The following MYO10 variants were observed in gnomAD, a reference collection of about 807,000 sequenced individuals.
The protein encoded by MYO10 is myosin X.
A neutral mutation model predicts 257.3 loss-of-function variants in MYO10; 133 were observed. The ratio of observed to expected loss-of-function variants is 0.52; its 90% confidence interval spans 0.45 to 0.60. The LOEUF is 0.60. Among genes scored for constraint, MYO10 ranks in the 20% least tolerant of loss-of-function variants. MYO10 has a pLI of 0.00. For missense variants in MYO10, 2,399 were observed against 2,635.7 expected (o/e 0.91, Z 1.97); for synonymous variants, 1,104 against 1,028.6 (o/e 1.07, Z -1.40).
At chr5:16,787,829 G>C (rs192306841) in intron 4 of MYO10, among the ~76,000 whole-genome samples, 1 of 151,786 alleles carries the variant, frequency 6.6e-6, no homozygotes, top group African/African-American at 2.4e-5. Context: ...TGTGAGTTTC[G>C]CTCTGTCTCC....
Position 16,670,747 on chromosome 5 carries a change from T to C in MYO10, c.5662A>G (p.Thr1888Ala). 1 of 1,613,882 alleles carries C rather than the reference T, an allele frequency of 6.2e-7. No homozygotes were observed. Among genetic ancestry groups the C allele is most frequent in the Non-Finnish European group, 8.5e-7 (1 of 1,179,876 alleles). Reference protein sequence around the residue: ...EKRRTSFLEGTLRRSFRTGSV... With the variant: ...EKRRTSFLEGALRRSFRTGSV... The stretch of plus-strand genomic sequence containing the variant: ...CCTGTCCGGAAGCTCCGCCTCAGGG[T>C]CCCCTCTAGGAAGCTCGTCCGCCTC... The change falls in exon 39 of 41, where the codon ACC becomes GCC. Residue 1888 changes from threonine to alanine, a missense_variant. Physicochemically the swap from Thr to Ala is moderately conservative, Grantham distance 58. This residue lies in a region of MYO10 where 1,820 missense variants were observed against 1,939.4 expected (regional missense o/e 0.94). Transcript: ENST00000513610.
chr5:16,884,239 C>T (rs1580113008), intron 1 of MYO10, among the ~76,000 whole-genome samples: 1 of 152,010 alleles, frequency 6.6e-6, no homozygotes, highest in East Asian at 1.9e-4. Flanking sequence ...TTTAAAAATG[C>T]AAAAAATAAG....
intron 39 of MYO10, among the ~76,000 whole-genome samples, chr5:16,669,362 T>C (rs1186622342): frequency 3.3e-5 from 5 of 152,090 alleles, no homozygotes; most frequent in Admixed American, 2.6e-4. Context: ...TACAGGTGCA[T>C]GCCACCACGC....
At position 16,702,998 on chromosome 5, in the gene MYO10, C is replaced by A; in HGVS notation, c.2437G>T (p.Ala813Ser). 1 of 1,552,246 alleles carries A rather than the reference C, an allele frequency of 6.4e-7. No individual in the cohort carries two copies. Among genetic ancestry groups the A allele is most frequent in the Non-Finnish European group, 8.7e-7 (1 of 1,147,138 alleles). Residue 813 changes from alanine (A) to serine (S), a missense_variant, in exon 23 of 41, where the codon GCA (alanine) becomes TCA (serine). Physicochemically the swap from Ala to Ser is moderately conservative, Grantham distance 99. Coordinates refer to ENST00000513610, the MANE Select transcript of MYO10 (RefSeq NM_012334.3). ...IARRVYRQLL[A>S]EKREQEEKKK... ...TTTTCTTCTTGCTCCCTTTTCTCTG[C>A]CAGCAATTGTCTGTAAACTCTCCGA...
At chr5:16,761,197 G>A (rs557700123) in intron 17 of MYO10, among the ~76,000 whole-genome samples, 3 of 152,100 alleles carry the variant, frequency 2.0e-5, no homozygotes, top group East Asian at 1.9e-4. Flanking sequence ...CACTATGTTG[G>A]CCAGGCTGGT....
chr5:16,876,968 G>A (rs1389978067), intron 2 of MYO10, among the ~76,000 whole-genome samples: 1 of 152,164 alleles, frequency 6.6e-6, no homozygotes, highest in Non-Finnish European at 1.5e-5. Context: ...CAGCCTTCAT[G>A]AATGGGATTA....
At chr5:16,682,334 T>C (rs906644511) in intron 30 of MYO10, among the ~76,000 whole-genome samples, 1 of 152,200 alleles carries the variant, frequency 6.6e-6, no homozygotes, top group African/African-American at 2.4e-5. Context: ...TTTTTTTTGA[T>C]GCCTCTCCAA....
chr5:16,928,211 A>C (rs898910502), intron 1 of MYO10, among the ~76,000 whole-genome samples: 1 of 152,058 alleles, frequency 6.6e-6, no homozygotes, highest in Non-Finnish European at 1.5e-5. Context: ...TTTTATTATT[A>C]CTATTACAAT....
In MYO10 at chr5:16,701,690, C is replaced by A; in HGVS notation, c.2705G>T (p.Arg902Leu). The A allele has an allele frequency of 6.2e-7, 1 of 1,613,966 alleles. No homozygotes were observed. The highest frequency in any genetic ancestry group is 8.5e-7 in the Non-Finnish European group (1 of 1,179,868). Reference sequence around the variant, plus strand: ...CGACAGCTCCTGCTGCTCCTTCATGCGCTGCAGGTCCTCGATTTCTTTCTC... The same window carrying A: ...CGACAGCTCCTGCTGCTCCTTCATGAGCTGCAGGTCCTCGATTTCTTTCTC... The part of the protein sequence containing the change: ...RLEKEIEDLQ[R>L]MKEQQELSLT... The change falls in exon 25 of 41, where the codon CGC (arginine) becomes CTC (leucine). Residue 902 changes from arginine to leucine, a missense_variant. Coordinates refer to ENST00000513610, the MANE Select transcript of MYO10 (RefSeq NM_012334.3). This position sits in a 1 kb window ranked among gnomAD's most constrained non-coding sequence, Gnocchi z 8.1.
chr5:16,898,415 T>C lies in MYO10; in HGVS notation c.22-20708A>G, dbSNP rs578115508. 5.2e-3 allele frequency among the ~76,000 whole-genome samples: 674 copies of C among 129,144 alleles called. 9 individuals are homozygous for C. The highest frequency in any genetic ancestry group is 0.022 in the African/African-American group (632 of 28,410). The allele number at this position is 129,144 out of a possible 152,430, so 84.7% of individuals were successfully genotyped here. On this transcript the variant is annotated intron_variant, in intron 1 of 40. Coordinates refer to ENST00000513610, the MANE Select transcript of MYO10 (RefSeq NM_012334.3). ...TACCCATTCTCAAATTTCTTTCTCT[T>C]TTTTTTTTTTTTTTGAGACAGAGTT...
chr5:16,768,727 T>C (rs1437247465), intron 10 of MYO10, among the ~76,000 whole-genome samples: 2 of 128,984 alleles, frequency 1.6e-5, no homozygotes, highest in Non-Finnish European at 3.1e-5. Flanking sequence ...CAGACTGGAG[T>C]GCAGTGGCAT....
Position 16,758,210 on chromosome 5 carries a change from C to T in MYO10, c.1756G>A (p.Asp586Asn). The part of the protein sequence containing the change: ...LRESRFDFIY[D>N]LFEHVSSRNN... ...CGGCTTGAAACATGTTCAAAAAGAT[C>T]GTAGATAAAGTCAAATCTGTGTGAG... The change falls in exon 18 of 41, where the codon GAT (aspartate) becomes AAT (asparagine). Residue 586 changes from aspartate (D) to asparagine (N), a missense_variant. Transcript: ENST00000513610. 1.2e-6 allele frequency: 2 copies of T among 1,611,958 alleles called. No homozygotes were observed. The highest frequency in any genetic ancestry group is 1.7e-6 in the Non-Finnish European group (2 of 1,178,158).
chr5:16,702,699 C>G (rs1738140066), intron 23 of MYO10, 111 bp from the exon 24 acceptor site: 1 of 1,091,910 alleles, frequency 9.2e-7, no homozygotes, highest in African/African-American at 1.6e-5. Flanking sequence ...GCATGAAAGA[C>G]AGAGCCCCTT....
intron 1 of MYO10, among the ~76,000 whole-genome samples, chr5:16,923,538 C>T (rs1001752055): frequency 6.6e-6 from 1 of 151,568 alleles, no homozygotes; most frequent in East Asian, 2.0e-4. Context: ...CCACCCGTCT[C>T]GGCCTCCCAA....
chr5:16,752,853 T>C (rs192572039), intron 19 of MYO10, among the ~76,000 whole-genome samples: 63 of 152,344 alleles, frequency 4.1e-4, no homozygotes, highest in Admixed American at 2.8e-3. Context: ...TCCTACACTA[T>C]GTCCCCAAAA....
intron 1 of MYO10, among the ~76,000 whole-genome samples, chr5:16,884,494 A>G (rs1306528084): frequency 6.6e-6 from 1 of 152,208 alleles, no homozygotes; most frequent in African/African-American, 2.4e-5. Context: ...CAGCCAAAAG[A>G]AAGTTTTCCT....
At chr5:16,906,586 C>G (rs1207603116) in intron 1 of MYO10, among the ~76,000 whole-genome samples, 1 of 152,154 alleles carries the variant, frequency 6.6e-6, no homozygotes, top group African/African-American at 2.4e-5. Context: ...CTACCAAGGG[C>G]TGGATGTCAG....
At position 16,662,326 on chromosome 5, in the gene MYO10, T is replaced by TTTTTTTTTC. The variant is rs1736014961; in HGVS notation, c.*4365_*4366insGAAAAAAAA. ...TTAGATTTCTGAACTATTTTTTTTT[T>TTTTTTTTTC]TTTTTTTTTTTTTTGGAGACAGAGT... On this transcript the variant is annotated 3_prime_UTR_variant, in exon 41 of 41. Transcript: ENST00000513610. 1 of 128,806 alleles carries TTTTTTTTTC rather than the reference T, an allele frequency of 7.8e-6. No homozygotes were observed. The highest frequency in any genetic ancestry group is 2.9e-5 in the African/African-American group (1 of 34,542). The allele number at this position is 128,806 out of a possible 1,614,324, so 8.0% of individuals were successfully genotyped here.
Position 16,694,496 on chromosome 5 carries a change from G to GC in MYO10, c.3674dup (p.Ser1226LeufsTer25), listed in dbSNP as rs760302326. 52 of 1,613,078 alleles carry GC rather than the reference G, an allele frequency of 3.2e-5. No homozygotes were observed. The highest frequency in any genetic ancestry group is 3.3e-5 in the Admixed American group (2 of 59,976). On this transcript the variant is annotated frameshift_variant, in exon 27 of 41. Coordinates refer to ENST00000513610, the MANE Select transcript of MYO10 (RefSeq NM_012334.3). LOFTEE classifies it high-confidence loss of function. ...AATTTCTCCTGGACAGCGTGGAGGA[G>GC]CCCCCCCCTTTTTTGTGGAGCCAGC... is the stretch of plus-strand genomic sequence containing the variant.
Sources: allele counts gnomAD v4.1 joint callset (sites outside exome capture counted in the v4.1 genomes callset), GRCh38; gene constraint gnomAD v4.1.1; regional missense constraint gnomAD v4.1.1; non-coding constraint Gnocchi (gnomAD v3.1); transcripts MANE v1.5; gene names NCBI Gene and HGNC (gene_info 2026-07-23, HGNC 2026-07-21).